Variants in TEKT2 observed in about 807,000 individuals in gnomAD.
TEKT2 encodes tektin-2.
Under a neutral mutation model 49.8 loss-of-function variants are expected in TEKT2, and 45 were observed. The ratio of observed to expected loss-of-function variants is 0.90; its 90% confidence interval spans 0.71 to 1.16. TEKT2 has a LOEUF of 1.16. Ranked by LOEUF, TEKT2 falls within the 50% of genes most tolerant of loss-of-function variation. The pLI, the probability that TEKT2 is intolerant of heterozygous loss-of-function variation, is 0.00. For synonymous variants in TEKT2, 202 were observed against 224.6 expected (o/e 0.90, Z 0.90); for missense variants, 523 against 551.4 (o/e 0.95, Z 0.52).
Position 36,087,845 on chromosome 1 carries a change from C to A in TEKT2, c.1079+38C>A. The A allele has an allele frequency of 6.2e-7, 1 of 1,610,234 alleles. No individual in the cohort carries two copies. The highest frequency in any genetic ancestry group is 8.5e-7 in the Non-Finnish European group (1 of 1,178,314). ...AGTGGGCGGAAGGAGCAGTGAGACG[C>A]TGCCCACAAATGGGGCCTCTTGCTG... On this transcript the variant is annotated intron_variant, in intron 9 of 9. Coordinates refer to ENST00000207457, the MANE Select transcript of TEKT2 (RefSeq NM_014466.3). This position sits in a 1 kb window ranked among gnomAD's most constrained non-coding sequence, Gnocchi z 4.9.
Position 36,085,185 on chromosome 1 carries a change from AC to A in TEKT2, c.180del (p.Asn60LysfsTer23), listed in dbSNP as rs764377430. On this transcript the variant is annotated frameshift_variant, in exon 3 of 10. Transcript: ENST00000207457. LOFTEE classifies it high-confidence loss of function. ...NNQTIWDEHD[N>X]RTRLVERIDT... ...CAGACCATTTGGGATGAACATGACA[AC>A]AGGACTCGACTGGTGGAGAGGATTG... 2 of 1,614,250 alleles carry A rather than the reference AC, an allele frequency of 1.2e-6. No individual in the cohort carries two copies. The highest frequency in any genetic ancestry group is 1.1e-5 in the South Asian group (1 of 91,086).
At position 36,086,942 on chromosome 1, in the gene TEKT2, T is replaced by C; in HGVS notation, c.644T>C (p.Leu215Pro). The C allele has an allele frequency of 6.2e-7, 1 of 1,613,730 alleles. No homozygotes were observed. The highest frequency in any genetic ancestry group is 8.5e-7 in the Non-Finnish European group (1 of 1,180,008). The change falls in exon 6 of 10, where the codon CTC becomes CCC. Residue 215 changes from leucine to proline, a missense_variant. Transcript: ENST00000207457. ...PTRVPDGSTT[L>P]QQWDDFSRFN... ...CCTGCCACCTGCAGCTCCACCACAC[T>C]CCAGCAGTGGGATGACTTCAGTCGG...
Position 36,085,050 on chromosome 1 carries a change from G to A in TEKT2, c.129G>A (p.Arg43=). Residue 43 remains arginine, a synonymous_variant, in exon 2 of 10, where the codon CGG becomes CGA. Transcript: ENST00000207457. ...DASHQIRQEA[R]VLRNETNNQT... is the part of the protein sequence containing the mutation. ...CCCATCAGATCCGCCAGGAGGCCCG[G>A]GTGCTCCGCAACGAGACCAACAACC... 1 of 1,614,114 alleles carries A rather than the reference G, an allele frequency of 6.2e-7. No homozygotes were observed. Among genetic ancestry groups the A allele is most frequent in the Non-Finnish European group, 8.5e-7 (1 of 1,180,050 alleles).
rs1486694210 is a variant in TEKT2, at chr1:36,085,071, C to G, written c.150C>G (p.Asn50Lys). ...QEARVLRNETNNQTIWDEHDN... is the reference protein window; with the variant it reads ...QEARVLRNETKNQTIWDEHDN... ...CCCGGGTGCTCCGCAACGAGACCAACAACCAGGTTGGGGATGGGAACTCAG... is the reference window on the plus strand; with the variant it reads ...CCCGGGTGCTCCGCAACGAGACCAAGAACCAGGTTGGGGATGGGAACTCAG... Residue 50 changes from asparagine (N) to lysine (K), a missense_variant, in exon 2 of 10, where the codon AAC becomes AAG. Physicochemically the swap from Asn to Lys is moderately conservative, Grantham distance 94. Transcript: ENST00000207457. The G allele has an allele frequency of 1.9e-6, 3 of 1,614,068 alleles. No individual in the cohort carries two copies. In the African/African-American group the frequency reaches 4.0e-5, roughly 22 times the overall value.
chr1:36,087,013 C>A lies in TEKT2; in HGVS notation c.715C>A (p.Leu239Met). 1.2e-6 allele frequency: 2 copies of A among 1,614,042 alleles called. No individual in the cohort carries two copies. The highest frequency in any genetic ancestry group is 1.7e-6 in the Non-Finnish European group (2 of 1,180,020). Residue 239 changes from leucine to methionine, a missense_variant, in exon 6 of 10, where the codon CTG (leucine) becomes ATG (methionine). Physicochemically the swap from Leu to Met is conservative, Grantham distance 15 (BLOSUM62 2). Coordinates refer to ENST00000207457, the MANE Select transcript of TEKT2 (RefSeq NM_014466.3). The surrounding 1 kb of genome is among the most constrained non-coding windows in gnomAD (Gnocchi z 4.9). ...GGCTGAGATGAAGGCAGCCACAGAG[C>A]TGAGGGAGGCCACTGCTCTAACTAT... ...AEAEMKAATE[L>M]REATALTIAE...
At chr1:36,085,117 C>T (rs781083953) in intron 2 of TEKT2, 40 bp downstream of exon 2, 5 of 1,614,214 alleles carry the variant, frequency 3.1e-6, no homozygotes, top group Non-Finnish European at 4.2e-6. Context: ...AAAGGGATAG[C>T]CCCCAACCCC....
chr1:36,084,804 C>G lies in TEKT2; in HGVS notation c.-52-66C>G. 6.8e-7 allele frequency: 1 copy of G among 1,477,130 alleles called. No individual in the cohort carries two copies. 91.5% of individuals were successfully genotyped at this position (1,477,130 alleles called of 1,614,324 possible). A position where few individuals can be genotyped will look rare whatever the true frequency, so the allele number is the denominator to read the frequency against. On this transcript the variant is annotated intron_variant, in intron 1 of 9. Transcript: ENST00000207457. This position sits in a 1 kb window ranked among gnomAD's most constrained non-coding sequence, Gnocchi z 4.1. ...GCAAAATGGACAGGAACAAGTCCTG[C>G]GCAGGGGGCGTGTGATCCAGGAGGT...
At chr1:36,086,112 G>C in intron 4 of TEKT2, 71 bp downstream of exon 4, 1 of 1,514,366 alleles carries the variant, frequency 6.6e-7, no homozygotes, top group Non-Finnish European at 9.0e-7. Context: ...GTGGAACACA[G>C]GTATTGTGGA....
At chr1:36,085,553 T>TTTTTGAGACA (rs1351179070) in intron 3 of TEKT2, among the ~76,000 whole-genome samples, 1 of 147,708 alleles carries the variant, frequency 6.8e-6, no homozygotes, top group African/African-American at 2.5e-5. Flanking sequence ...CTGGATCTGT[T>TTTTTGAGACA]GCCCAGGCTG....
rs940023858 is a variant in TEKT2, at chr1:36,084,823, A to G, written c.-52-47A>G. Reference sequence around the variant, plus strand: ...GTCCTGCGCAGGGGGCGTGTGATCCAGGAGGTCTCCGGAAAGGTCTCCCGC... The same window carrying G: ...GTCCTGCGCAGGGGGCGTGTGATCCGGGAGGTCTCCGGAAAGGTCTCCCGC... On this transcript the variant is annotated intron_variant, in intron 1 of 9. Transcript: ENST00000207457. The surrounding 1 kb of genome is among the most constrained non-coding windows in gnomAD (Gnocchi z 4.1). 2 of 1,570,836 alleles carry G rather than the reference A, an allele frequency of 1.3e-6. No individual in the cohort carries two copies. Among genetic ancestry groups the G allele is most frequent in the Non-Finnish European group, 1.7e-6 (2 of 1,143,978 alleles).
In TEKT2 at chr1:36,085,231, G is replaced by A. The variant is rs770894403; in HGVS notation, c.225G>A (p.Lys75=). The A allele has an allele frequency of 6.2e-7, 1 of 1,614,222 alleles. No homozygotes were observed. The highest frequency in any genetic ancestry group is 8.5e-7 in the Non-Finnish European group (1 of 1,180,040). The change falls in exon 3 of 10, where the codon AAG becomes AAA. Residue 75 remains lysine (K), a synonymous_variant. Transcript: ENST00000207457. ...VERIDTVNRW[K]EMLDKCLTDL... ...GGATTGATACTGTCAACCGGTGGAA[G>A]GAGATGCTGGACAAGTGTCTGACAG...
At position 36,086,779 on chromosome 1, in the gene TEKT2, CTG is replaced by C. The variant is rs774405934; in HGVS notation, c.566_567del (p.Cys189SerfsTer15). 9 of 1,614,160 alleles carry C rather than the reference CTG, an allele frequency of 5.6e-6. No homozygotes were observed. The highest frequency in any genetic ancestry group is 7.6e-6 in the Non-Finnish European group (9 of 1,180,026). The stretch of plus-strand genomic sequence containing the variant: ...TGGAGACACTAGAGATCGACAGAGG[CTG>C]TCTCTCTCTCAACCTCAGATCCCCA... ...KMETLEIDRG[C>X]LSLNLRSPNI... On this transcript the variant is annotated frameshift_variant, in exon 5 of 10. Coordinates refer to ENST00000207457, the MANE Select transcript of TEKT2 (RefSeq NM_014466.3). LOFTEE classifies it high-confidence loss of function.
Position 36,086,020 on chromosome 1 carries a change from G to T in TEKT2, c.467G>T (p.Ser156Ile). The change falls in exon 4 of 10, where the codon AGC becomes ATC. Residue 156 changes from serine (S) to isoleucine (I), a missense_variant. Ser to Ile is a moderately radical substitution (Grantham distance 142, BLOSUM62 -2). Transcript: ENST00000207457. ...AAGAAGGCCTTGCAACAGAAGGTCA[G>T]CCAGGCCTTCGAGCAGCTCTGGTAA... Reference protein sequence around the residue: ...ATKKALQQKVSQAFEQLCLLQ... With the variant: ...ATKKALQQKVIQAFEQLCLLQ... 1 of 1,593,726 alleles carries T rather than the reference G, an allele frequency of 6.3e-7. No homozygotes were observed. The highest frequency in any genetic ancestry group is 8.5e-7 in the Non-Finnish European group (1 of 1,169,626).
rs752509286 is a variant in TEKT2, at chr1:36,088,237, G to A, written c.*51G>A. 2.0e-6 allele frequency: 3 copies of A among 1,487,210 alleles called. No individual in the cohort carries two copies. The South Asian group carries it at 3.5e-5, about 17-fold the overall frequency. 92.1% of individuals were successfully genotyped at this position (1,487,210 alleles called of 1,614,324 possible). ...AGGGTTGGGTGGGCAATGGAAGGAG[G>A]GAGGAGAGAAATGAATGGAATAAAT... On this transcript the variant is annotated 3_prime_UTR_variant, in exon 10 of 10. Transcript: ENST00000207457.
At chr1:36,085,647 G>A in intron 3 of TEKT2, 189 bp from the exon 4 acceptor site, 2 of 646,460 alleles carry the variant, frequency 3.1e-6, no homozygotes, top group East Asian at 3.1e-5. Flanking sequence ...CCTGAGTAAA[G>A]TAGCTGGGAC....
chr1:36,086,060 G>C lies in TEKT2; in HGVS notation c.488+19G>C. 6.4e-7 allele frequency: 1 copy of C among 1,559,240 alleles called. No individual in the cohort carries two copies. The highest frequency in any genetic ancestry group is 8.7e-7 in the Non-Finnish European group (1 of 1,151,142). On this transcript the variant is annotated intron_variant, in intron 4 of 9. Coordinates refer to ENST00000207457, the MANE Select transcript of TEKT2 (RefSeq NM_014466.3). Reference sequence around the variant, plus strand: ...AGCTCTGGTAAGGGAGAGGCAGGTCGTCCGCATGTTCATGGGCCCCTGGAG... The same window carrying C: ...AGCTCTGGTAAGGGAGAGGCAGGTCCTCCGCATGTTCATGGGCCCCTGGAG...
At position 36,087,552 on chromosome 1, in the gene TEKT2, C is replaced by T; in HGVS notation, c.969C>T (p.Tyr323=). 10 of 1,613,844 alleles carry T rather than the reference C, an allele frequency of 6.2e-6. No homozygotes were observed. The highest frequency in any genetic ancestry group is 6.8e-6 in the Non-Finnish European group (8 of 1,180,024). Residue 323 remains tyrosine, a synonymous_variant, in exon 8 of 10, where the codon TAC becomes TAT. Coordinates refer to ENST00000207457, the MANE Select transcript of TEKT2 (RefSeq NM_014466.3). This position sits in a 1 kb window ranked among gnomAD's most constrained non-coding sequence, Gnocchi z 4.9. Reference sequence around the variant, plus strand: ...ATACCCGGCTAGAGGCCAGAACCTACCGGCCCAACGTGGAACTCTGCCGGG... The same window carrying T: ...ATACCCGGCTAGAGGCCAGAACCTATCGGCCCAACGTGGAACTCTGCCGGG... The part of the protein sequence containing the change: ...LSHTRLEART[Y]RPNVELCRDQ...
chr1:36,087,945 C>A lies in TEKT2; in HGVS notation c.1080-28C>A. 1 of 1,600,376 alleles carries A rather than the reference C, an allele frequency of 6.2e-7. No homozygotes were observed. Among genetic ancestry groups the A allele is most frequent in the Non-Finnish European group, 8.5e-7 (1 of 1,173,668 alleles). On this transcript the variant is annotated intron_variant, in intron 9 of 9. Transcript: ENST00000207457. The surrounding 1 kb of genome is among the most constrained non-coding windows in gnomAD (Gnocchi z 4.9). ...CCCAGGCCTCCCAGCCTCATGGGGGCTGGGGGGTTGTCAATGTCCTTCCCT... is the reference window on the plus strand; with the variant it reads ...CCCAGGCCTCCCAGCCTCATGGGGGATGGGGGGTTGTCAATGTCCTTCCCT...
rs1194197134 is a variant in TEKT2 at position 36,086,746 on chromosome 1, G to A, written c.531G>A (p.Arg177=). The A allele has an allele frequency of 1.9e-6, 3 of 1,613,944 alleles. No individual in the cohort carries two copies. The highest frequency in any genetic ancestry group is 2.2e-5 in the East Asian group (1 of 44,834). ...EVQQQLNSDH[R]GKMETLEIDR... ...AACAGCAGCTCAACTCCGACCATCGGGGCAAAATGGAGACACTAGAGATCG... is the reference window on the plus strand; with the variant it reads ...AACAGCAGCTCAACTCCGACCATCGAGGCAAAATGGAGACACTAGAGATCG... The change falls in exon 5 of 10, where the codon CGG becomes CGA. Residue 177 remains arginine, a synonymous_variant. Transcript: ENST00000207457.
Sources: gnomAD v4.1 joint callset for allele counts (sites outside exome capture counted in the v4.1 genomes callset) on GRCh38, gnomAD v4.1.1 for gene constraint, Gnocchi (gnomAD v3.1) non-coding constraint, MANE v1.5 for transcripts, NCBI Gene and HGNC (gene_info 2026-07-23, HGNC 2026-07-21) for gene names.